The following EOLA1 variants were observed in gnomAD, a reference collection of about 807,000 sequenced individuals.
EOLA1 encodes the protein protein EOLA1.
EOLA1 carries 1 observed loss-of-function variant against 4.5 expected under a neutral mutation model. The ratio of observed to expected loss-of-function variants is 0.22; its 90% CI spans 0.08 to 1.05. The LOEUF is 1.05. Ranked by LOEUF, EOLA1 falls within the 50% of genes least tolerant of loss-of-function variation. The probability of loss-of-function intolerance (pLI) is 0.57; values close to 1 mark genes in which losing one functional copy is unlikely to be tolerated. For synonymous variants in EOLA1, 37 were observed against 52.3 expected (o/e 0.71, Z 1.26); for missense variants, 69 against 127.2 (o/e 0.54, Z 2.20).
intron 2 of EOLA1, 48 bp downstream of exon 2, chrX:149,542,133 C>T: frequency 2.1e-6 from 1 of 484,569 alleles, no homozygotes; most frequent in South Asian, 1.1e-4. Context: ...TACATCAGTT[C>T]CTACTAGGGA....
intron 1 of EOLA1, 50 bp downstream of exon 1, chrX:149,541,393 G>T (rs2124121200): frequency 8.8e-6 from 1 of 113,608 alleles, no homozygotes; most frequent in African/African-American, 3.2e-5. Context: ...AACTCGTGCG[G>T]GGCGCGACCG....
chrX:149,542,184 T>C (rs1193054734), intron 2 of EOLA1, 99 bp downstream of exon 2: 6 of 263,446 alleles, frequency 2.3e-5, no homozygotes, highest in Non-Finnish European at 3.1e-5. Context: ...GATTTTGTGG[T>C]GATGACGAGA....
chrX:149,549,448 C>G (rs1557348517), downstream of EOLA1: 4 of 1,165,451 alleles, frequency 3.4e-6, no homozygotes, highest in Non-Finnish European at 4.6e-6. Context: ...GAATGAAACT[C>G]GTCAAGCTGT....
Position 149,546,030 on chromosome X carries a change from C to G in EOLA1, c.253+147C>G, listed in dbSNP as rs1167610646. On this transcript the variant is annotated intron_variant, in intron 4 of 4. Coordinates refer to ENST00000393985, the MANE Select transcript of EOLA1 (RefSeq NM_001171907.3). ...TGGCAACACACCTTCAAAGGGGCGG[C>G]AAGGACCTTGGGCTGGGGGTTGGTA... is the stretch of plus-strand genomic sequence containing the variant. The G allele has an allele frequency of 3.9e-6, 3 of 768,170 alleles. No individual in the cohort carries two copies. The African/African-American group carries it at 6.4e-5, about 16-fold the overall frequency. The allele number at this position is 768,170 out of a possible 1,213,427, so 63.3% of individuals were successfully genotyped here.
At chrX:149,546,135 T>G (rs1330110456) in intron 4 of EOLA1, among the ~76,000 whole-genome samples, 15 of 109,235 alleles carry the variant, frequency 1.4e-4, no homozygotes, top group Non-Finnish European at 2.7e-4. Flanking sequence ...GTGAGAAGCC[T>G]GGTCAGGGCC....
At chrX:149,544,774 C>T (rs2089804164) in intron 2 of EOLA1, 4 of 746,417 alleles carry the variant, frequency 5.4e-6, no homozygotes, top group South Asian at 1.4e-4. Context: ...CCTCATTCTC[C>T]TCAGCCATAG....
chrX:149,544,076 G>A (rs782063603), intron 2 of EOLA1, among the ~76,000 whole-genome samples: 2 of 36,515 alleles, frequency 5.5e-5, no homozygotes, highest in South Asian at 1.4e-3. Context: ...CTGAGGTCTC[G>A]GCTGTTCAGG....
At chrX:149,545,306 A>C in intron 2 of EOLA1, 62 bp from the exon 3 acceptor site, 2 of 931,302 alleles carry the variant, frequency 2.1e-6, no homozygotes, top group Non-Finnish European at 2.7e-6. Context: ...GTGTTGCCCT[A>C]GGGCTCGGTG....
chrX:149,544,484 T>A, intron 2 of EOLA1: 2 of 749,604 alleles, frequency 2.7e-6, no homozygotes, highest in Non-Finnish European at 3.1e-6. Context: ...GCCACGGGCC[T>A]GAGGGGTGAG....
chrX:149,545,569 G>A (rs1254190150), intron 3 of EOLA1, 33 bp from the exon 4 acceptor site: 1 of 1,182,536 alleles, frequency 8.5e-7, no homozygotes, highest in African/African-American at 1.8e-5. Context: ...AGCTTGGAGG[G>A]CTGGCGTGTG....
chrX:149,544,946 G>C, intron 2 of EOLA1: 1 of 751,819 alleles, frequency 1.3e-6, no homozygotes, highest in Non-Finnish European at 1.6e-6. Flanking sequence ...GATTGGGACA[G>C]GGGCATCTGC....
At chrX:149,554,728 AAG>A (rs1358024729), downstream of EOLA1, among the ~76,000 whole-genome samples, 2 of 32,084 alleles carry the variant, frequency 6.2e-5, no homozygotes, top group African/African-American at 1.7e-4. Flanking sequence ...AGAAAGCAAA[AAG>A]AGAAAACAGA....
At chrX:149,545,951 T>C (rs2089836025) in intron 4 of EOLA1, 68 bp downstream of exon 4, 3 of 1,093,604 alleles carry the variant, frequency 2.7e-6, no homozygotes, top group East Asian at 6.1e-5. Flanking sequence ...GCTTGGGAAT[T>C]TGGGGGCTTC....
chrX:149,549,184 T>C (rs195224), downstream of EOLA1, among the ~76,000 whole-genome samples: 585 of 110,916 alleles, frequency 5.3e-3, 9 homozygotes, highest in African/African-American at 0.019. Flanking sequence ...AAGGGGGTTG[T>C]AGTTTAATAT....
At chrX:149,543,800 G>T (rs1557346822) in intron 2 of EOLA1, among the ~76,000 whole-genome samples, 1 of 90,232 alleles carries the variant, frequency 1.1e-5, no homozygotes, top group African/African-American at 4.3e-5. Flanking sequence ...CTGAAGGGGG[G>T]TGGCCTGCAC....
chrX:149,540,847 GA>G (rs1352965217), upstream of EOLA1: 1 of 112,665 alleles, frequency 8.9e-6, no homozygotes, highest in Non-Finnish European at 1.9e-5. Context: ...GTACGTGCGT[GA>G]TGTCGTCAGT....
downstream of EOLA1, chrX:149,549,559 A>G: frequency 2.9e-6 from 3 of 1,042,544 alleles, no homozygotes; most frequent in Non-Finnish European, 2.5e-6. Flanking sequence ...TCCAGCTCAC[A>G]GACTTGAATG....
chrX:149,540,807 G>C (rs1328396141), upstream of EOLA1: 1 of 112,346 alleles, frequency 8.9e-6, no homozygotes, highest in Non-Finnish European at 1.9e-5. Flanking sequence ...CAGGTAAAGA[G>C]AATAGCGTCT....
chrX:149,546,767 A>G lies in EOLA1; in HGVS notation c.282A>G (p.Gln94=), dbSNP rs374770539. Reference sequence around the variant, plus strand: ...TCGTTGACATTGGGGAAACTTTGCAATGCCCCGAAGACTTAACTCCCGATG... The same window carrying G: ...TCGTTGACATTGGGGAAACTTTGCAGTGCCCCGAAGACTTAACTCCCGATG... ...AGLVDIGETL[Q]CPEDLTPDEV... The change falls in exon 5 of 5, where the codon CAA becomes CAG. Residue 94 remains glutamine, a synonymous_variant. Transcript: ENST00000393985. 22 of 1,205,918 alleles carry G rather than the reference A, an allele frequency of 1.8e-5. No individual in the cohort carries two copies. The African/African-American group carries it at 3.2e-4, about 18-fold the overall frequency.
Sources: allele counts gnomAD v4.1 joint callset (sites outside exome capture counted in the v4.1 genomes callset), GRCh38; gene constraint gnomAD v4.1.1; transcripts MANE v1.5; gene names NCBI Gene and HGNC (gene_info 2026-07-23, HGNC 2026-07-21).